The following HK1 variants were observed in gnomAD, a reference collection of about 807,000 sequenced individuals.
HK1 encodes the protein hexokinase-1.
Under a neutral mutation model 91.6 loss-of-function variants are expected in HK1, and 28 were observed. The ratio of observed to expected loss-of-function variants is 0.31; its 90% CI spans 0.23 to 0.42. HK1 has a LOEUF of 0.42. Ranked by LOEUF, HK1 falls within the 10% of genes least tolerant of loss-of-function variation. HK1 has a pLI of 1.00. For synonymous variants in HK1, 430 were observed against 468.1 expected (o/e 0.92, Z 1.05); for missense variants, 770 against 1,219.8 (o/e 0.63, Z 5.49).
At chr10:69,367,159 A>G (rs1312209884) in intron 4 of HK1, among the ~76,000 whole-genome samples, 3 of 152,122 alleles carry the variant, frequency 2.0e-5, no homozygotes, top group Non-Finnish European at 4.4e-5. Flanking sequence ...GGCATTGTGA[A>G]CAGAGAAGGA....
chr10:69,363,682 G>T (rs2132783772), intron 3 of HK1, among the ~76,000 whole-genome samples: 1 of 152,230 alleles, frequency 6.6e-6, no homozygotes, highest in Middle Eastern at 3.4e-3. Flanking sequence ...CCTGGCCCTG[G>T]TTATATTTTA....
rs780474391 is a variant in HK1, at chr10:69,384,443, G to A, written c.1681G>A (p.Ala561Thr). 19 of 1,614,002 alleles carry A rather than the reference G, an allele frequency of 1.2e-5. No individual in the cohort carries two copies. The highest frequency in any genetic ancestry group is 4.5e-5 in the East Asian group (2 of 44,898). Residue 561 changes from alanine to threonine, a missense_variant, in exon 11 of 18, where the codon GCC becomes ACC. Coordinates refer to ENST00000359426, the MANE Select transcript of HK1 (RefSeq NM_000188.3). ...GGTGGAAATGCACAACAAGATCTAC[G>A]CCATTCCTATTGAAATCATGCAGGG... is the stretch of plus-strand genomic sequence containing the variant. ...RTVEMHNKIY[A>T]IPIEIMQGTG...
At chr10:69,382,823 C>T (rs763597117) in intron 10 of HK1, 32 bp downstream of exon 10, 2 of 1,600,270 alleles carry the variant, frequency 1.2e-6, no homozygotes, top group Non-Finnish European at 1.7e-6. Context: ...ACATGCCTGT[C>T]CTGCTCCTGC....
intron 3 of HK1, among the ~76,000 whole-genome samples, chr10:69,292,808 A>T (rs1053589155): frequency 4.6e-5 from 7 of 152,086 alleles, no homozygotes; most frequent in African/African-American, 1.7e-4. Flanking sequence ...ATCCTATGAG[A>T]TCTCCAAGTT....
At chr10:69,306,349 C>T (rs1187422495) in intron 5 of HK1, among the ~76,000 whole-genome samples, 11 of 149,556 alleles carry the variant, frequency 7.4e-5, no homozygotes, top group African/African-American at 2.5e-4. Context: ...CAGAGTGAGA[C>T]TCTGTCTCAA....
chr10:69,308,432 A>G (rs895453266), intron 5 of HK1, among the ~76,000 whole-genome samples: 15 of 152,266 alleles, frequency 9.9e-5, no homozygotes, highest in African/African-American at 3.6e-4. Context: ...CAACTCTAAG[A>G]GGGTCCTTGG....
At chr10:69,394,018 G>A (rs1209269340) in intron 15 of HK1, among the ~76,000 whole-genome samples, 1 of 152,252 alleles carries the variant, frequency 6.6e-6, no homozygotes, top group South Asian at 2.1e-4. Flanking sequence ...GGAATGAGAA[G>A]GACTGGGTGG....
intron 3 of HK1, among the ~76,000 whole-genome samples, chr10:69,361,710 A>G (rs912127386): frequency 6.6e-6 from 1 of 152,116 alleles, no homozygotes; most frequent in Non-Finnish European, 1.5e-5. Flanking sequence ...TCCTAGAATC[A>G]CTTTATTTCC....
chr10:69,318,604 CG>C (rs1204167576), upstream of HK1, among the ~76,000 whole-genome samples: 2 of 152,178 alleles, frequency 1.3e-5, no homozygotes, highest in African/African-American at 2.4e-5. Flanking sequence ...GATGCGGGGT[CG>C]GGGGGGATTT....
chr10:69,300,921 C>T lies in HK1; in HGVS notation c.27+60C>T, dbSNP rs952607837. 6.7e-6 allele frequency: 6 copies of T among 900,542 alleles called. No homozygotes were observed. The African/African-American group carries it at 9.9e-5, about 15-fold the overall frequency. The allele number at this position is 900,542 out of a possible 1,614,324, so 55.8% of individuals were successfully genotyped here. ...TATTAGAACTAATAAACAATTTCAGCAAGGTTATAGGATACAAGGTTAATA... is the reference window on the plus strand; with the variant it reads ...TATTAGAACTAATAAACAATTTCAGTAAGGTTATAGGATACAAGGTTAATA... On this transcript the variant is annotated intron_variant, in intron 5 of 21. Coordinates refer to the HK1 transcript ENST00000360289.
upstream of HK1, among the ~76,000 whole-genome samples, chr10:69,317,728 A>T (rs1846724210): frequency 2.6e-5 from 4 of 152,208 alleles, no homozygotes; most frequent in South Asian, 8.3e-4. Flanking sequence ...GGCTGTATAA[A>T]GTCCAGCAAG....
chr10:69,318,377 C>T (rs1461414625), upstream of HK1: 1 of 294,988 alleles, frequency 3.4e-6, no homozygotes, highest in Non-Finnish European at 5.0e-6. Flanking sequence ...CCACCGGACT[C>T]CTAGGGGCGA....
At chr10:69,306,852 G>A (rs1846132336) in intron 5 of HK1, among the ~76,000 whole-genome samples, 1 of 152,224 alleles carries the variant, frequency 6.6e-6, no homozygotes, top group African/African-American at 2.4e-5. Context: ...GGGACAAAAT[G>A]GGAGGTGTTT....
At chr10:69,353,707 G>C (rs1242719864) in intron 2 of HK1, among the ~76,000 whole-genome samples, 3 of 152,010 alleles carry the variant, frequency 2.0e-5, no homozygotes, top group African/African-American at 7.3e-5. Flanking sequence ...GAGGTTCCTG[G>C]GTGGCACATC....
chr10:69,334,035 C>T (rs577476243), intron 1 of HK1, among the ~76,000 whole-genome samples: 18 of 152,034 alleles, frequency 1.2e-4, no homozygotes, highest in Admixed American at 5.9e-4. Flanking sequence ...CGCTTGAACC[C>T]GGGAGGTGGA....
intron 1 of HK1, chr10:69,270,883 T>C (rs559029212): frequency 1.3e-5 from 2 of 152,296 alleles, no homozygotes; most frequent in South Asian, 4.1e-4. Flanking sequence ...TGAGTAGCAA[T>C]TGAACAGTTT....
At chr10:69,286,089 C>G (rs187667298) in intron 2 of HK1, among the ~76,000 whole-genome samples, 26 of 152,232 alleles carry the variant, frequency 1.7e-4, no homozygotes, top group East Asian at 1.3e-3. Flanking sequence ...TAACTAGACT[C>G]GGGAAGTTGC....
chr10:69,328,958 T>G (rs958080087), intron 1 of HK1, among the ~76,000 whole-genome samples: 3 of 152,222 alleles, frequency 2.0e-5, no homozygotes, highest in African/African-American at 7.2e-5. Context: ...TCTTCAAGGT[T>G]CATCCATGTA....
intron 13 of HK1, among the ~76,000 whole-genome samples, chr10:69,387,239 A>G (rs903653954): frequency 3.9e-5 from 6 of 152,160 alleles, no homozygotes; most frequent in Admixed American, 3.9e-4. Flanking sequence ...CCCAAACCAC[A>G]ACACAGACAC....
Sources: gnomAD v4.1 joint callset for allele counts (sites outside exome capture counted in the v4.1 genomes callset) on GRCh38, gnomAD v4.1.1 for gene constraint, MANE v1.5 for transcripts, NCBI Gene and HGNC (gene_info 2026-07-23, HGNC 2026-07-21) for gene names.